ZFP92: variants seen among roughly 807,000 people sequenced by gnomAD.
The protein encoded by ZFP92 is ZFP92 zinc finger protein.
Under a neutral mutation model 7.6 loss-of-function variants are expected in ZFP92, and 2 were observed. The observed-to-expected ratio is 0.26, with a 90% CI of 0.11 to 0.83. The LOEUF is 0.83. ZFP92 is among the 40% of genes least tolerant of loss of function. The probability of loss-of-function intolerance (pLI) is 0.65; values close to 1 mark genes in which losing one functional copy is unlikely to be tolerated. For synonymous variants in ZFP92, 226 were observed against 183.6 expected, an observed-to-expected ratio of 1.23 and a Z score of -1.87; for missense variants, 324 against 408.3, an observed-to-expected ratio of 0.79 and a Z score of 1.78.
intron 2 of ZFP92, 124 bp from the exon 3 acceptor site, chrX:153,418,181 G>C (rs1018373772): frequency 2.3e-5 from 18 of 770,553 alleles, no homozygotes; most frequent in Non-Finnish European, 2.5e-5. Flanking sequence ...GCAGGAGTGA[G>C]AACACCACAG....
Position 153,421,214 on chromosome X carries a change from C to G in ZFP92, c.837C>G (p.Leu279=). The change falls in exon 6 of 6, where the codon CTC becomes CTG. Residue 279 remains leucine, a synonymous_variant. Transcript: ENST00000338647. Reference sequence around the variant, plus strand: ...AGGCCTTCAGCCGCAGCTCCAACCTCATCGAGCACCAGCGCACGCACCGCG... The same window carrying G: ...AGGCCTTCAGCCGCAGCTCCAACCTGATCGAGCACCAGCGCACGCACCGCG... The part of the protein sequence containing the change: ...CGKAFSRSSN[L]IEHQRTHRGE... 2 of 1,186,448 alleles carry G rather than the reference C, an allele frequency of 1.7e-6. No individual in the cohort carries two copies. Among genetic ancestry groups the G allele is most frequent in the Non-Finnish European group, 2.3e-6 (2 of 882,866 alleles).
At chrX:153,416,627 C>T (rs1318658407) in intron 2 of ZFP92, among the ~76,000 whole-genome samples, 3 of 111,757 alleles carry the variant, frequency 2.7e-5, no homozygotes, top group Non-Finnish European at 5.6e-5. Flanking sequence ...AATGGAAATC[C>T]CAGGCAGAGA....
At chrX:153,417,022 C>G (rs1228785350) in intron 2 of ZFP92, among the ~76,000 whole-genome samples, 2 of 111,922 alleles carry the variant, frequency 1.8e-5, no homozygotes, top group African/African-American at 3.2e-5. Flanking sequence ...GAGGGACTCA[C>G]CCCCACGACC....
chrX:153,414,633 G>A (rs989329121), intron 2 of ZFP92, among the ~76,000 whole-genome samples: 36 of 112,166 alleles, frequency 3.2e-4, no homozygotes, highest in Middle Eastern at 4.6e-3. Flanking sequence ...ATAGGTGTGA[G>A]CCACCACGCC....
At chrX:153,412,836 C>T (rs1164275095) in intron 2 of ZFP92, among the ~76,000 whole-genome samples, 1 of 111,851 alleles carries the variant, frequency 8.9e-6, no homozygotes, top group Non-Finnish European at 1.9e-5. Context: ...GGACAGGACC[C>T]GACCCGCCTG....
At chrX:153,414,265 G>C (rs1556973427) in intron 2 of ZFP92, among the ~76,000 whole-genome samples, 3 of 112,482 alleles carry the variant, frequency 2.7e-5, no homozygotes, top group Non-Finnish European at 5.6e-5. Flanking sequence ...ATGAAATGAG[G>C]TGTGGCCTGC....
rs1365272903 is a variant in ZFP92 at position 153,420,783 on chromosome X, C to G, written c.406C>G (p.Gln136Glu). The change falls in exon 6 of 6, where the codon CAG (glutamine) becomes GAG (glutamate). Residue 136 changes from glutamine to glutamate, a missense_variant. Transcript: ENST00000338647. ...VLQRGAQGLG[Q>E]SSAAGPQGPK... The stretch of plus-strand genomic sequence containing the variant: ...CCAGAGAGGTGCCCAGGGCTTGGGG[C>G]AGAGTTCGGCTGCGGGGCCGCAGGG... The G allele has an allele frequency of 2.6e-6, 3 of 1,167,345 alleles. No homozygotes were observed. Among genetic ancestry groups the G allele is most frequent in the Non-Finnish European group, 3.4e-6 (3 of 872,872 alleles).
chrX:153,421,664 C>T lies in ZFP92; in HGVS notation c.*36C>T, dbSNP rs782604906. The T allele has an allele frequency of 6.3e-5, 59 of 933,516 alleles. No homozygotes were observed. The highest frequency in any genetic ancestry group is 7.4e-5 in the Non-Finnish European group (56 of 754,036). The allele number at this position is 933,516 out of a possible 1,213,427, so 76.9% of individuals were successfully genotyped here. A position where few individuals can be genotyped will look rare whatever the true frequency, so the allele number is the denominator to read the frequency against. On this transcript the variant is annotated 3_prime_UTR_variant, in exon 6 of 6. Coordinates refer to ENST00000338647, the MANE Select transcript of ZFP92 (RefSeq NM_001136273.2). Reference sequence around the variant, plus strand: ...GCGCACCCAGGGCGCGGCCGGTCTGCGTGGGGGGCCTTCCTGGGGACGTCG... The same window carrying T: ...GCGCACCCAGGGCGCGGCCGGTCTGTGTGGGGGGCCTTCCTGGGGACGTCG...
At chrX:153,417,008 T>C (rs2088957582) in intron 2 of ZFP92, among the ~76,000 whole-genome samples, 1 of 111,483 alleles carries the variant, frequency 9.0e-6, no homozygotes, top group East Asian at 2.8e-4. Context: ...ATTAATCTGT[T>C]CATGAGGGAC....
intron 5 of ZFP92, 43 bp downstream of exon 5, chrX:153,420,375 G>T (rs2088988214): frequency 1.1e-5 from 11 of 1,038,094 alleles, no homozygotes; most frequent in African/African-American, 3.8e-5. Context: ...GGGGTAAAAA[G>T]AAATAGCAGT....
rs782229436 is a variant in ZFP92, at chrX:153,421,466, A to C, written c.1089A>C (p.Leu363=). 2 of 1,149,593 alleles carry C rather than the reference A, an allele frequency of 1.7e-6. No individual in the cohort carries two copies. The highest frequency in any genetic ancestry group is 2.3e-6 in the Non-Finnish European group (2 of 869,458). The allele number at this position is 1,149,593 out of a possible 1,213,427, so 94.7% of individuals were successfully genotyped here. A position where few individuals can be genotyped will look rare whatever the true frequency, so the allele number is the denominator to read the frequency against. Residue 363 remains leucine, a synonymous_variant, in exon 6 of 6, where the codon CTA becomes CTC. Coordinates refer to ENST00000338647, the MANE Select transcript of ZFP92 (RefSeq NM_001136273.2). The part of the protein sequence containing the change: ...CGKAFGRRAN[L]FKHQAVHGAR... The stretch of plus-strand genomic sequence containing the variant: ...AGGCCTTCGGCCGGCGCGCCAACCT[A>C]TTCAAGCACCAGGCAGTGCACGGCG...
rs781939272 is a variant in ZFP92, at chrX:153,420,458, C to T, written c.265+126C>T. 4.6e-6 allele frequency: 4 copies of T among 875,190 alleles called. No homozygotes were observed. In the South Asian group the frequency reaches 7.9e-5, roughly 17 times the overall value. 72.1% of individuals were successfully genotyped at this position (875,190 alleles called of 1,213,427 possible). The stretch of plus-strand genomic sequence containing the variant: ...CTCTTTGGAGGCAGATGTCAATCTC[C>T]AGGTGTCACAGCAGCCCCGCTATCT... On this transcript the variant is annotated intron_variant, in intron 5 of 5. Coordinates refer to ENST00000338647, the MANE Select transcript of ZFP92 (RefSeq NM_001136273.2).
intron 2 of ZFP92, among the ~76,000 whole-genome samples, chrX:153,414,648 C>A (rs2088936159): frequency 8.9e-6 from 1 of 111,955 alleles, no homozygotes; most frequent in Non-Finnish European, 1.9e-5. Context: ...CACGCCCGGC[C>A]AAATTAACCA....
At position 153,417,113 on chromosome X, in the gene ZFP92, C is replaced by G. The variant is rs782474340; in HGVS notation, c.-18-1192C>G. 2.9e-3 allele frequency among the ~76,000 whole-genome samples: 328 copies of G among 112,495 alleles called. 1 individual carries two copies. Among genetic ancestry groups the G allele is most frequent in the Middle Eastern group, 9.3e-3 (2 of 216 alleles). Reference sequence around the variant, plus strand: ...CGTGTGGAGACTCAGATATCCAACCCACAGCACTGACTGCCATCTGGCATT... The same window carrying G: ...CGTGTGGAGACTCAGATATCCAACCGACAGCACTGACTGCCATCTGGCATT... On this transcript the variant is annotated intron_variant, in intron 2 of 5. Transcript: ENST00000338647.
In ZFP92 at chrX:153,424,585, TCTTGC is replaced by T. The variant is rs1423105298; in HGVS notation, c.*2960_*2964del. The T allele has an allele frequency of 8.9e-6, 1 of 112,053 alleles. No individual in the cohort carries two copies. The highest frequency in any genetic ancestry group is 3.2e-5 in the African/African-American group (1 of 30,839). 9.2% of individuals were successfully genotyped at this position (112,053 alleles called of 1,213,427 possible). ...GTAAAAGCTTAAACTATGGGGAAAGTCTTGCCTGTTTTCCAAGGCTTCCTCCACCC... is the reference window on the plus strand; with the variant it reads ...GTAAAAGCTTAAACTATGGGGAAAGTCTGTTTTCCAAGGCTTCCTCCACCC... On this transcript the variant is annotated 3_prime_UTR_variant, in exon 6 of 6. Transcript: ENST00000338647.
At position 153,422,761 on chromosome X, in the gene ZFP92, C is replaced by T. The variant is rs1556975629; in HGVS notation, c.*1133C>T. ...GACATTTTGTAGAATACTGGACGTT[C>T]CGTTGCTTTGATTGTTTTTGTATTC... On this transcript the variant is annotated 3_prime_UTR_variant, in exon 6 of 6. Transcript: ENST00000338647. 1.8e-5 allele frequency: 2 copies of T among 112,660 alleles called. No individual in the cohort carries two copies. The highest frequency in any genetic ancestry group is 9.3e-5 in the Admixed American group (1 of 10,748). The allele number at this position is 112,660 out of a possible 1,213,427, so 9.3% of individuals were successfully genotyped here.
At position 153,421,672 on chromosome X, in the gene ZFP92, G is replaced by A. The variant is rs1242681305; in HGVS notation, c.*44G>A. On this transcript the variant is annotated 3_prime_UTR_variant, in exon 6 of 6. Transcript: ENST00000338647. Reference sequence around the variant, plus strand: ...AGGGCGCGGCCGGTCTGCGTGGGGGGCCTTCCTGGGGACGTCGAGGCTCAG... The same window carrying A: ...AGGGCGCGGCCGGTCTGCGTGGGGGACCTTCCTGGGGACGTCGAGGCTCAG... The A allele has an allele frequency of 3.2e-6, 3 of 930,247 alleles. No homozygotes were observed. Among genetic ancestry groups the A allele is most frequent in the African/African-American group, 2.1e-5 (1 of 47,641 alleles). The allele number at this position is 930,247 out of a possible 1,213,427, so 76.7% of individuals were successfully genotyped here. A position where few individuals can be genotyped will look rare whatever the true frequency, so the allele number is the denominator to read the frequency against.
Position 153,414,159 on chromosome X carries a change from T to C in ZFP92, c.-19+2146T>C, listed in dbSNP as rs782068580. Among the ~76,000 whole-genome samples the C allele has an allele frequency of 1.6e-4, 18 of 112,466 alleles. No individual in the cohort carries two copies. In the East Asian group the frequency reaches 4.7e-3, roughly 30 times the overall value. ...CTTATGCTGCTTTTCAAAACAATAATTTTATACTAGTCTGAAAGCACTGGC... is the reference window on the plus strand; with the variant it reads ...CTTATGCTGCTTTTCAAAACAATAACTTTATACTAGTCTGAAAGCACTGGC... On this transcript the variant is annotated intron_variant, in intron 2 of 5. Transcript: ENST00000338647.
intron 5 of ZFP92, 144 bp downstream of exon 5, chrX:153,420,476 C>CGCT: frequency 1.1e-6 from 1 of 898,426 alleles, no homozygotes; most frequent in Non-Finnish European, 1.5e-6. Context: ...ACAGCAGCCC[C>CGCT]GCTATCTCCA....
Sources: allele counts gnomAD v4.1 joint callset (sites outside exome capture counted in the v4.1 genomes callset), GRCh38; gene constraint gnomAD v4.1.1; transcripts MANE v1.5; gene names NCBI Gene and HGNC (gene_info 2026-07-23, HGNC 2026-07-21).